Variants in GRID1 observed in about 807,000 individuals in gnomAD.
The protein encoded by GRID1 is glutamate ionotropic receptor delta type subunit 1.
A neutral mutation model predicts 98.0 loss-of-function variants in GRID1; 28 were observed. That is an observed-to-expected ratio of 0.29 (90% CI 0.21 to 0.39). GRID1 has a LOEUF of 0.39. Among genes scored for constraint, GRID1 ranks in the 10% least tolerant of loss-of-function variants. The pLI, the probability that GRID1 is intolerant of heterozygous loss-of-function variation, is 1.00. For synonymous variants in GRID1, 553 were observed against 538.5 expected (o/e 1.03, Z -0.37); for missense variants, 1,111 against 1,340.5 (o/e 0.83, Z 2.67).
At chr10:85,653,336 A>C (rs1406289969) in intron 12 of GRID1, among the ~76,000 whole-genome samples, 1 of 152,244 alleles carries the variant, frequency 6.6e-6, no homozygotes, top group Non-Finnish European at 1.5e-5. Flanking sequence ...ATTTTGAGCC[A>C]TTGGAGTTGA....
intron 13 of GRID1, among the ~76,000 whole-genome samples, chr10:85,638,132 A>G (rs1193947525): frequency 6.6e-6 from 1 of 152,202 alleles, no homozygotes; most frequent in Non-Finnish European, 1.5e-5. Flanking sequence ...AATAAGAAGA[A>G]AATATTTTAT....
intron 2 of GRID1, among the ~76,000 whole-genome samples, chr10:86,285,233 A>T (rs1273881331): frequency 1.3e-5 from 2 of 152,102 alleles, no homozygotes; most frequent in Non-Finnish European, 2.9e-5. Flanking sequence ...CCAGGTGAAC[A>T]TCAGTTGACA....
At position 85,838,156 on chromosome 10, in the gene GRID1, A is replaced by T. The variant is rs573370960; in HGVS notation, c.1233+16340T>A. 1.1e-4 allele frequency among the ~76,000 whole-genome samples: 17 copies of T among 152,326 alleles called. 1 individual carries two copies. Among genetic ancestry groups the T allele is most frequent in the African/African-American group, 3.8e-4 (16 of 41,584 alleles). On this transcript the variant is annotated intron_variant, in intron 8 of 15. Coordinates refer to ENST00000327946, the MANE Select transcript of GRID1 (RefSeq NM_017551.3). ...GAACAAAACCATCAAGAAATATGGG[A>T]TTATGTAAAGAGACCAAACCTATGA...
chr10:86,263,424 G>C (rs1034419758), intron 2 of GRID1, among the ~76,000 whole-genome samples: 2 of 152,190 alleles, frequency 1.3e-5, no homozygotes, highest in South Asian at 2.1e-4. Flanking sequence ...CAGGCCCAAC[G>C]GGACGGTTCC....
chr10:86,086,772 T>C (rs1936712191), intron 4 of GRID1, among the ~76,000 whole-genome samples: 1 of 152,132 alleles, frequency 6.6e-6, no homozygotes, highest in Non-Finnish European at 1.5e-5. Context: ...ACAGTGTGTG[T>C]TGGTGTTTGT....
intron 4 of GRID1, among the ~76,000 whole-genome samples, chr10:86,003,319 A>T (rs960806737): frequency 4.6e-5 from 7 of 152,246 alleles, no homozygotes; most frequent in African/African-American, 1.4e-4. Flanking sequence ...TTGGCACATC[A>T]GCTGGATGGG....
At chr10:85,755,456 G>C (rs1015225573) in intron 8 of GRID1, among the ~76,000 whole-genome samples, 1 of 152,178 alleles carries the variant, frequency 6.6e-6, no homozygotes, top group African/African-American at 2.4e-5. Flanking sequence ...AAGCTGCGTG[G>C]TCTCTTGAGG....
At chr10:85,891,792 C>A (rs927535572) in intron 5 of GRID1, among the ~76,000 whole-genome samples, 1 of 152,026 alleles carries the variant, frequency 6.6e-6, no homozygotes, top group Non-Finnish European at 1.5e-5. Flanking sequence ...ATCAAGCACC[C>A]AACCATGTAA....
rs1846023425 is a variant in GRID1 at position 86,206,267 on chromosome 10, C to T, written c.520+97G>A. On this transcript the variant is annotated intron_variant, in intron 3 of 15. Transcript: ENST00000327946. This position sits in a 1 kb window ranked among gnomAD's most constrained non-coding sequence, Gnocchi z 4.1. ...CTGGAGGCCCACTCAGCACAGACCACCCCTGACCGGTCCAGGGCCCCACCC... is the reference window on the plus strand; with the variant it reads ...CTGGAGGCCCACTCAGCACAGACCATCCCTGACCGGTCCAGGGCCCCACCC... The T allele has an allele frequency of 1.6e-6, 2 of 1,223,596 alleles. No homozygotes were observed. Among genetic ancestry groups the T allele is most frequent in the South Asian group, 1.4e-5 (1 of 69,084 alleles). 75.8% of individuals were successfully genotyped at this position (1,223,596 alleles called of 1,614,324 possible).
chr10:86,136,795 C>T (rs1844932372), intron 4 of GRID1, among the ~76,000 whole-genome samples: 1 of 152,128 alleles, frequency 6.6e-6, no homozygotes, highest in African/African-American at 2.4e-5. Context: ...CGTTAAGAGT[C>T]CAGCAAAAGA....
intron 3 of GRID1, among the ~76,000 whole-genome samples, chr10:86,197,346 G>A (rs911319667): frequency 2.0e-5 from 3 of 152,094 alleles, no homozygotes; most frequent in East Asian, 1.9e-4. Flanking sequence ...GCAAGGAGCC[G>A]GAGCTGGAAG....
chr10:85,799,712 G>C (rs185084470), intron 8 of GRID1, among the ~76,000 whole-genome samples: 14 of 152,216 alleles, frequency 9.2e-5, no homozygotes, highest in African/African-American at 3.4e-4. Context: ...AAAGTTGGGA[G>C]AGTAGTGGGG....
At chr10:85,989,538 A>G (rs569839908) in intron 4 of GRID1, among the ~76,000 whole-genome samples, 2 of 152,344 alleles carry the variant, frequency 1.3e-5, no homozygotes, top group African/African-American at 4.8e-5. Context: ...TTCAATCAGC[A>G]TCGGCATTTG....
chr10:86,289,253 G>A (rs953012324), intron 2 of GRID1, among the ~76,000 whole-genome samples: 2 of 152,128 alleles, frequency 1.3e-5, no homozygotes, highest in Non-Finnish European at 2.9e-5. Context: ...AAAAACAGAG[G>A]GCCCCAAGAA....
At chr10:86,041,759 T>C (rs1843348442) in intron 4 of GRID1, among the ~76,000 whole-genome samples, 1 of 152,034 alleles carries the variant, frequency 6.6e-6, no homozygotes, top group Admixed American at 6.6e-5. Flanking sequence ...GACCCAAGAG[T>C]CACTATGTAA....
chr10:85,901,659 G>A (rs906825223), intron 5 of GRID1, among the ~76,000 whole-genome samples: 3 of 152,162 alleles, frequency 2.0e-5, no homozygotes, highest in Non-Finnish European at 2.9e-5. Context: ...TATGGCTCAA[G>A]GAAGGAAATA....
intron 4 of GRID1, among the ~76,000 whole-genome samples, chr10:86,131,179 C>T (rs1184520177): frequency 6.6e-6 from 1 of 152,134 alleles, no homozygotes; most frequent in Non-Finnish European, 1.5e-5. Context: ...CCGCCCCCTC[C>T]CCCTGCATCC....
intron 8 of GRID1, among the ~76,000 whole-genome samples, chr10:85,743,534 G>A (rs762696103): frequency 6.6e-6 from 1 of 152,196 alleles, no homozygotes; most frequent in Non-Finnish European, 1.5e-5. Flanking sequence ...CTTTGAGACT[G>A]TGTCTAGGAA....
chr10:85,814,594 G>C (rs2131746468), intron 8 of GRID1, among the ~76,000 whole-genome samples: 1 of 151,926 alleles, frequency 6.6e-6, no homozygotes, highest in Admixed American at 6.5e-5. Context: ...CTAACATCTG[G>C]AATTAAAATA....
Sources: gnomAD v4.1 joint callset for allele counts (sites outside exome capture counted in the v4.1 genomes callset) on GRCh38, gnomAD v4.1.1 for gene constraint, Gnocchi (gnomAD v3.1) non-coding constraint, MANE v1.5 for transcripts, NCBI Gene and HGNC (gene_info 2026-07-23, HGNC 2026-07-21) for gene names.